Variants in CUX1 observed in about 807,000 individuals in gnomAD.
CUX1 encodes protein CASP.
In CUX1, 31 loss-of-function variants were observed where a neutral mutation model predicts 158.8. That is an observed-to-expected ratio of 0.20 (90% CI 0.15 to 0.26). The LOEUF (loss-of-function observed/expected upper bound fraction) is 0.26. Ranked by LOEUF, CUX1 falls within the 10% of genes least tolerant of loss-of-function variation. The pLI is 1.00. For missense variants in CUX1, 1,589 were observed against 2,014.6 expected, an observed-to-expected ratio of 0.79 and a Z score of 4.04; for synonymous variants, 879 against 862.1, an observed-to-expected ratio of 1.02 and a Z score of -0.34.
chr7:102,145,723 G>A (rs1207687943), intron 8 of CUX1, among the ~76,000 whole-genome samples: 1 of 152,106 alleles, frequency 6.6e-6, no homozygotes, highest in Admixed American at 6.5e-5. Flanking sequence ...GAGGTGGGTG[G>A]ATCATCTGAG....
chr7:101,835,330 C>A (rs1236464990), intron 1 of CUX1, among the ~76,000 whole-genome samples: 1 of 152,214 alleles, frequency 6.6e-6, no homozygotes, highest in Non-Finnish European at 1.5e-5. Context: ...GTCTGGGCCG[C>A]ATTCTTTTTT....
At chr7:102,218,789 A>G (rs1797496893) in intron 20 of CUX1, among the ~76,000 whole-genome samples, 1 of 152,052 alleles carries the variant, frequency 6.6e-6, no homozygotes, top group South Asian at 2.1e-4. Context: ...ACGGTGGCTC[A>G]GGCCCATAAT....
intron 8 of CUX1, chr7:102,153,537 A>G (rs1835923736): frequency 6.6e-6 from 1 of 152,260 alleles, no homozygotes; most frequent in South Asian, 2.1e-4. Flanking sequence ...ACCTGGCCAG[A>G]GGGTTTTCCT....
rs562878498 is a variant in CUX1, at chr7:102,248,204, T to A, written c.3888-208T>A. 6.6e-6 allele frequency among the ~76,000 whole-genome samples: 1 copy of A among 152,226 alleles called. No individual in the cohort carries two copies. The highest frequency in any genetic ancestry group is 1.9e-4 in the East Asian group (1 of 5,160). On this transcript the variant is annotated intron_variant, in intron 23 of 23. Transcript: ENST00000292535. This position sits in a 1 kb window ranked among gnomAD's most constrained non-coding sequence, Gnocchi z 5.8. ...GAATAGGGGAGTGGTGTCCCAGCCC[T>A]GGGATGGCTCCTGGCCAGGCCCGGA... is the stretch of plus-strand genomic sequence containing the variant.
intron 3 of CUX1, among the ~76,000 whole-genome samples, chr7:102,066,464 A>G (rs1825560009): frequency 6.6e-6 from 1 of 152,186 alleles, no homozygotes; most frequent in Non-Finnish European, 1.5e-5. Flanking sequence ...TGTGCCGTGC[A>G]AATTACCAAA....
chr7:102,043,810 C>T (rs539994759), intron 3 of CUX1, among the ~76,000 whole-genome samples: 31 of 152,266 alleles, frequency 2.0e-4, no homozygotes, highest in African/African-American at 7.2e-4. Context: ...AATTTACATT[C>T]CCACCAACAG....
intron 2 of CUX1, among the ~76,000 whole-genome samples, chr7:101,924,433 C>T (rs1006445785): frequency 3.3e-5 from 5 of 152,014 alleles, no homozygotes; most frequent in Non-Finnish European, 7.4e-5. Flanking sequence ...CACCAGGGCT[C>T]CATGGCCCTG....
chr7:102,130,493 C>T (rs947914134), intron 8 of CUX1, among the ~76,000 whole-genome samples: 4 of 152,014 alleles, frequency 2.6e-5, no homozygotes, highest in Non-Finnish European at 2.9e-5. Context: ...CCAGTCTGGC[C>T]AACATAGCAA....
rs115957114 is a variant in CUX1 at position 101,881,824 on chromosome 7, A to C, written c.31-34291A>C. On this transcript the variant is annotated intron_variant, in intron 1 of 23. Transcript: ENST00000292535. ...TTGAGGGAGGAGGCAGGAGTGGAAAAATGCTATTGGTTTATTCCTGTGCTT... is the reference window on the plus strand; with the variant it reads ...TTGAGGGAGGAGGCAGGAGTGGAAACATGCTATTGGTTTATTCCTGTGCTT... Among the ~76,000 whole-genome samples, 340 of 152,180 alleles carry C rather than the reference A, an allele frequency of 2.2e-3. 2 individuals carry two copies. The highest frequency in any genetic ancestry group is 7.9e-3 in the African/African-American group (327 of 41,510).
rs150188151 is a variant in CUX1, at chr7:102,201,834, C to T, written c.2537C>T (p.Thr846Met). Residue 846 changes from threonine to methionine, a missense_variant, in exon 18 of 24, where the codon ACG (threonine) becomes ATG (methionine). This residue lies in a region of CUX1 where 337 missense variants were observed against 409.3 expected (regional missense o/e 0.82). Coordinates refer to ENST00000292535, the MANE Select transcript of CUX1 (RefSeq NM_181552.4). This position sits in a 1 kb window ranked among gnomAD's most constrained non-coding sequence, Gnocchi z 5.0. ...ASSEEAKAEE[T>M]GGGKEKGSGG... ...TCCGAGGAGGCCAAGGCCGAAGAAA[C>T]GGGCGGCGGGAAAGAGAAGGGCAGC... 44 of 1,613,010 alleles carry T rather than the reference C, an allele frequency of 2.7e-5. No homozygotes were observed. In the African/African-American group the frequency reaches 2.9e-4, roughly 11 times the overall value.
chr7:102,253,750 C>A lies in CUX1; in HGVS notation c.*4708C>A. On this transcript the variant is annotated 3_prime_UTR_variant, in exon 24 of 24. Transcript: ENST00000292535. ...ACAAAAGCCCATAGACCTTACTCAT[C>A]CCAAGGCCGACAAGCCAGCTGTACA... 1.0e-6 allele frequency: 1 copy of A among 985,472 alleles called. No individual in the cohort carries two copies. Among genetic ancestry groups the A allele is most frequent in the Non-Finnish European group, 1.2e-6 (1 of 829,980 alleles). 61.0% of individuals were successfully genotyped at this position (985,472 alleles called of 1,614,324 possible). A position where few individuals can be genotyped will look rare whatever the true frequency, so the allele number is the denominator to read the frequency against.
intron 1 of CUX1, among the ~76,000 whole-genome samples, chr7:101,846,477 G>A (rs1398338361): frequency 4.6e-5 from 7 of 152,114 alleles, no homozygotes; most frequent in Non-Finnish European, 1.5e-5. Flanking sequence ...GACTACAGGT[G>A]TGTGCCACCA....
chr7:101,869,371 T>C lies in CUX1; in HGVS notation c.31-46744T>C, dbSNP rs1354231456. The stretch of plus-strand genomic sequence containing the variant: ...GCCCAGCACAGTGCCTGGCACACAG[T>C]AGGTGCTTAATAAACACGTGGACTG... On this transcript the variant is annotated intron_variant, in intron 1 of 23. Coordinates refer to ENST00000292535, the MANE Select transcript of CUX1 (RefSeq NM_181552.4). This position sits in a 1 kb window ranked among gnomAD's most constrained non-coding sequence, Gnocchi z 4.5. Among the ~76,000 whole-genome samples the C allele has an allele frequency of 6.6e-6, 1 of 152,108 alleles. No individual in the cohort carries two copies. The highest frequency in any genetic ancestry group is 6.5e-5 in the Admixed American group (1 of 15,282).
intron 8 of CUX1, chr7:102,153,932 C>A: frequency 6.6e-6 from 1 of 152,330 alleles, no homozygotes; most frequent in Non-Finnish European, 1.5e-5. Context: ...TGAAGCGAAA[C>A]CAACAGGTAA....
intron 1 of CUX1, among the ~76,000 whole-genome samples, chr7:101,834,197 GGAGT>G (rs1259610289): frequency 1.1e-4 from 11 of 104,740 alleles, no homozygotes; most frequent in Non-Finnish European, 2.0e-4. Context: ...TTTTTGAGAT[GGAGT>G]CTCCCTCTGT....
chr7:101,945,584 C>T (rs1254164847), intron 2 of CUX1, among the ~76,000 whole-genome samples: 5 of 152,122 alleles, frequency 3.3e-5, no homozygotes, highest in African/African-American at 7.2e-5. Flanking sequence ...ATGTTCTGAA[C>T]GAGAGTTGAG....
chr7:102,270,705 A>G (rs1554546069), intron 14 of CUX1, among the ~76,000 whole-genome samples: 2 of 152,180 alleles, frequency 1.3e-5, no homozygotes, highest in African/African-American at 4.8e-5. Flanking sequence ...GAGCTAACCC[A>G]GTGCCCAGAG....
chr7:101,956,903 C>G (rs1809848486), intron 2 of CUX1, among the ~76,000 whole-genome samples: 1 of 152,144 alleles, frequency 6.6e-6, no homozygotes, highest in Non-Finnish European at 1.5e-5. Context: ...GGGCTGTGAT[C>G]ACACCACTGC....
chr7:102,101,434 G>C (rs1221854177), intron 5 of CUX1, among the ~76,000 whole-genome samples: 23 of 152,160 alleles, frequency 1.5e-4, no homozygotes, highest in Non-Finnish European at 3.1e-4. Context: ...CTAGGATAAA[G>C]TGGCCTCTGG....
Sources: gnomAD v4.1 joint callset for allele counts (sites outside exome capture counted in the v4.1 genomes callset) on GRCh38, gnomAD v4.1.1 for gene constraint, gnomAD v4.1.1 regional missense constraint, Gnocchi (gnomAD v3.1) non-coding constraint, MANE v1.5 for transcripts, NCBI Gene and HGNC (gene_info 2026-07-23, HGNC 2026-07-21) for gene names.